TUBB1: variants seen among roughly 807,000 people sequenced by gnomAD.
The protein encoded by TUBB1 is tubulin beta 1 class VI, also known as tubulin beta-1 chain.
A neutral mutation model predicts 22.6 loss-of-function variants in TUBB1; 28 were observed. That is an observed-to-expected ratio of 1.24 (90% CI 0.92 to 1.70). The LOEUF (loss-of-function observed/expected upper bound fraction) is 1.70, where lower values mean the gene tolerates loss of function less well. TUBB1 is among the 40% of genes most tolerant of loss of function. TUBB1 has a pLI of 0.00. For missense variants in TUBB1, 577 were observed against 605.5 expected (o/e 0.95, Z 0.49); for synonymous variants, 226 against 238.0 (o/e 0.95, Z 0.46).
rs1175135469 is a variant in TUBB1, at chr20:59,023,691, C to CT, written c.278-9dup. The CT allele has an allele frequency of 3.1e-6, 5 of 1,614,064 alleles. No homozygotes were observed. Among genetic ancestry groups the CT allele is most frequent in the Non-Finnish European group, 4.2e-6 (5 of 1,180,018 alleles). ...CACCTTTCTTCCCCTGCTGGTTTCT[C>CT]TTTTTGGCCACAGGTAACTCTGGGG... On this transcript the variant is annotated splice_polypyrimidine_tract_variant and intron_variant, in intron 3 of 3. Transcript: ENST00000217133.
rs1601239520 is a variant in TUBB1 at position 59,024,435 on chromosome 20, G to A, written c.1008G>A (p.Arg336=). The A allele has an allele frequency of 6.2e-7, 1 of 1,614,234 alleles. No individual in the cohort carries two copies. The highest frequency in any genetic ancestry group is 8.5e-7 in the Non-Finnish European group (1 of 1,180,050). Residue 336 remains arginine, a synonymous_variant, in exon 4 of 4, where the codon AGG becomes AGA. Transcript: ENST00000217133. The surrounding 1 kb of genome is among the most constrained non-coding windows in gnomAD (Gnocchi z 4.9). Reference sequence around the variant, plus strand: ...AGCAACTGCTCTCCGTGCAGACCAGGAACAGCAGCTGCTTTGTGGAGTGGA... The same window carrying A: ...AGCAACTGCTCTCCGTGCAGACCAGAAACAGCAGCTGCTTTGTGGAGTGGA... ...VDQQLLSVQT[R]NSSCFVEWIP... is the part of the protein sequence containing the mutation.
chr20:59,023,317 ATTG>A (rs2091976945), intron 2 of TUBB1, among the ~76,000 whole-genome samples, 170 bp from the exon 3 acceptor site: 1 of 152,204 alleles, frequency 6.6e-6, no homozygotes, highest in South Asian at 2.1e-4. Context: ...GATTTGTGGG[ATTG>A]TTGTTGGGGT....
intron 1 of TUBB1, 49 bp from the exon 2 acceptor site, chr20:59,022,796 C>A (rs765548173): frequency 6.4e-7 from 1 of 1,562,094 alleles, no homozygotes; most frequent in South Asian, 1.1e-5. Flanking sequence ...CTGTGGTTAA[C>A]ACAGCCTTTT....
Position 59,023,944 on chromosome 20 carries a change from C to T in TUBB1, c.517C>T (p.Pro173Ser). 6.2e-7 allele frequency: 1 copy of T among 1,614,222 alleles called. No homozygotes were observed. Among genetic ancestry groups the T allele is most frequent in the Admixed American group, 1.7e-5 (1 of 60,028 alleles). Reference sequence around the variant, plus strand: ...GAATTCCTTCAGCGTCATGCCTTCTCCCAAGGTGTCGGACACTGTGGTGGA... The same window carrying T: ...GAATTCCTTCAGCGTCATGCCTTCTTCCAAGGTGTCGGACACTGTGGTGGA... Reference protein sequence around the residue: ...IMNSFSVMPSPKVSDTVVEPY... With the variant: ...IMNSFSVMPSSKVSDTVVEPY... The change falls in exon 4 of 4, where the codon CCC (proline) becomes TCC (serine). Residue 173 changes from proline (P) to serine (S), a missense_variant. Physicochemically the swap from Pro to Ser is moderately conservative, Grantham distance 74 (BLOSUM62 -1). Transcript: ENST00000217133.
Position 59,023,862 on chromosome 20 carries a change from C to T in TUBB1, c.435C>T (p.Ser145=), listed in dbSNP as rs769442145. The T allele has an allele frequency of 5.9e-5, 96 of 1,613,956 alleles. 2 individuals are homozygous for T. The Admixed American group carries it at 1.3e-3, about 21-fold the overall frequency. ...ACTCCCTGGGCGGGGGCACAGGCTCCGGGATGGGCACTCTGCTCATGAACA... is the reference window on the plus strand; with the variant it reads ...ACTCCCTGGGCGGGGGCACAGGCTCTGGGATGGGCACTCTGCTCATGAACA... ...IVHSLGGGTG[S]GMGTLLMNKI... Residue 145 remains serine, a synonymous_variant, in exon 4 of 4, where the codon TCC becomes TCT. Coordinates refer to ENST00000217133, the MANE Select transcript of TUBB1 (RefSeq NM_030773.4).
In TUBB1 at chr20:59,024,404, T is replaced by C; in HGVS notation, c.977T>C (p.Val326Ala). Residue 326 changes from valine (V) to alanine (A), a missense_variant, in exon 4 of 4, where the codon GTG becomes GCG. Val to Ala is a moderately conservative substitution (Grantham distance 64). Transcript: ENST00000217133. This position sits in a 1 kb window ranked among gnomAD's most constrained non-coding sequence, Gnocchi z 4.9. The part of the protein sequence containing the change: ...IFRGKMSTKE[V>A]DQQLLSVQTR... Reference sequence around the variant, plus strand: ...CGGGGCAAGATGTCCACCAAGGAAGTGGACCAGCAACTGCTCTCCGTGCAG... The same window carrying C: ...CGGGGCAAGATGTCCACCAAGGAAGCGGACCAGCAACTGCTCTCCGTGCAG... 3 of 1,614,152 alleles carry C rather than the reference T, an allele frequency of 1.9e-6. No individual in the cohort carries two copies. The highest frequency in any genetic ancestry group is 2.5e-6 in the Non-Finnish European group (3 of 1,180,026).
In TUBB1 at chr20:59,024,112, G is replaced by C. The variant is rs1295778047; in HGVS notation, c.685G>C (p.Val229Leu). ...CACCTATGGGGATCTCAACCACCTA[G>C]TGTCCTTGACCATGAGCGGCATAAC... Reference protein sequence around the residue: ...TPTYGDLNHLVSLTMSGITTS... With the variant: ...TPTYGDLNHLLSLTMSGITTS... The change falls in exon 4 of 4, where the codon GTG (valine) becomes CTG (leucine). Residue 229 changes from valine to leucine, a missense_variant. Coordinates refer to ENST00000217133, the MANE Select transcript of TUBB1 (RefSeq NM_030773.4). The surrounding 1 kb of genome is among the most constrained non-coding windows in gnomAD (Gnocchi z 4.9). 3 of 1,614,098 alleles carry C rather than the reference G, an allele frequency of 1.9e-6. No homozygotes were observed. The highest frequency in any genetic ancestry group is 8.5e-7 in the Non-Finnish European group (1 of 1,180,046).
intron 1 of TUBB1, among the ~76,000 whole-genome samples, chr20:59,021,553 T>C (rs576099643): frequency 6.6e-6 from 1 of 152,326 alleles, no homozygotes; most frequent in African/African-American, 2.4e-5. Flanking sequence ...AAAGGAGTCT[T>C]CCCAGTAACT....
At chr20:59,020,622 G>A (rs2091963014) in intron 1 of TUBB1, among the ~76,000 whole-genome samples, 1 of 151,582 alleles carries the variant, frequency 6.6e-6, no homozygotes, top group South Asian at 2.1e-4. Context: ...TTATTGTAAC[G>A]CTTAAAAAAA....
chr20:59,016,958 T>C (rs1052830179), upstream of TUBB1, among the ~76,000 whole-genome samples: 1 of 152,220 alleles, frequency 6.6e-6, no homozygotes, highest in Middle Eastern at 3.4e-3. Flanking sequence ...CTTAGAGAAA[T>C]GTTACAAGGG....
chr20:59,024,003 G>A lies in TUBB1; in HGVS notation c.576G>A (p.Leu192=). ...PYNAVLSIHQ[L]IENADACFCI... is the part of the protein sequence containing the mutation. ...ACGCGGTTCTGTCTATCCACCAGCT[G>A]ATTGAGAATGCAGATGCCTGTTTCT... Residue 192 remains leucine (L), a synonymous_variant, in exon 4 of 4, where the codon CTG becomes CTA. Transcript: ENST00000217133. The surrounding 1 kb of genome is among the most constrained non-coding windows in gnomAD (Gnocchi z 4.9). 6.2e-7 allele frequency: 1 copy of A among 1,614,196 alleles called. No individual in the cohort carries two copies. The highest frequency in any genetic ancestry group is 1.3e-5 in the African/African-American group (1 of 75,038).
Position 59,026,613 on chromosome 20 carries a change from G to C in TUBB1, c.*1830G>C, listed in dbSNP as rs1361667941. On this transcript the variant is annotated 3_prime_UTR_variant, in exon 4 of 4. Transcript: ENST00000217133. ...TAATTCAATTTTAAATGGCAAAATT[G>C]CTTTATTTCAGACTAAATAAATTCC... The C allele has an allele frequency of 6.6e-6, 1 of 152,138 alleles. No individual in the cohort carries two copies. The highest frequency in any genetic ancestry group is 1.5e-5 in the Non-Finnish European group (1 of 68,022). The allele number at this position is 152,138 out of a possible 1,614,324, so 9.4% of individuals were successfully genotyped here.
In TUBB1 at chr20:59,025,463, A is replaced by G. The variant is rs559362098; in HGVS notation, c.*680A>G. ...AACAAGAAAAACAAAAAGACAAGCA[A>G]AACTAAAGAACTGCAGTCTTCTGAT... On this transcript the variant is annotated 3_prime_UTR_variant, in exon 4 of 4. Transcript: ENST00000217133. 10 of 153,126 alleles carry G rather than the reference A, an allele frequency of 6.5e-5. No individual in the cohort carries two copies. The highest frequency in any genetic ancestry group is 1.5e-4 in the Non-Finnish European group (10 of 68,676). 9.5% of individuals were successfully genotyped at this position (153,126 alleles called of 1,614,324 possible).
chr20:59,019,404 G>T, upstream of TUBB1: 2 of 1,189,690 alleles, frequency 1.7e-6, no homozygotes, highest in Non-Finnish European at 2.5e-6. Flanking sequence ...TAGCTTGGTT[G>T]GCCAGTCCCA....
chr20:59,018,866 A>G (rs991062371), upstream of TUBB1, among the ~76,000 whole-genome samples: 2 of 152,228 alleles, frequency 1.3e-5, no homozygotes, highest in Non-Finnish European at 2.9e-5. Context: ...CAGCCCTGGC[A>G]TGGATAGGGC....
At position 59,021,308 on chromosome 20, in the gene TUBB1, A is replaced by G. The variant is rs188408165; in HGVS notation, c.58-1537A>G. Among the ~76,000 whole-genome samples the G allele has an allele frequency of 9.5e-4, 144 of 152,354 alleles. 1 individual carries two copies. Among genetic ancestry groups the G allele is most frequent in the African/African-American group, 2.9e-3 (121 of 41,594 alleles). ...CCTGGCTGACTCATCATTTAGAGAT[A>G]TAAGAACTTTAAGACACATTTAATT... On this transcript the variant is annotated intron_variant, in intron 1 of 3. Transcript: ENST00000217133.
chr20:59,021,559 T>G (rs2091967164), intron 1 of TUBB1, among the ~76,000 whole-genome samples: 1 of 152,226 alleles, frequency 6.6e-6, no homozygotes, highest in Non-Finnish European at 1.5e-5. Flanking sequence ...GTCTTCCCAG[T>G]AACTGTTTCC....
At position 59,024,838 on chromosome 20, in the gene TUBB1, AGT is replaced by A. The variant is rs1406292670; in HGVS notation, c.*58_*59del. ...TTACAGAACAGTTTCTCATTAGATG[AGT>A]GTTTCTCCTGCAGCACTCCAAAACC... On this transcript the variant is annotated 3_prime_UTR_variant, in exon 4 of 4. Coordinates refer to ENST00000217133, the MANE Select transcript of TUBB1 (RefSeq NM_030773.4). The surrounding 1 kb of genome is among the most constrained non-coding windows in gnomAD (Gnocchi z 4.9). 1.5e-5 allele frequency: 23 copies of A among 1,543,452 alleles called. No individual in the cohort carries two copies. The highest frequency in any genetic ancestry group is 2.1e-5 in the Non-Finnish European group (23 of 1,117,546).
chr20:59,019,548 T>C lies in TUBB1; in HGVS notation c.26T>C (p.Ile9Thr), dbSNP rs774375965. Residue 9 changes from isoleucine to threonine, a missense_variant, in exon 1 of 4, where the codon ATT becomes ACT. By Grantham distance (89) the Ile-to-Thr change is moderately conservative (BLOSUM62 -1). Coordinates refer to ENST00000217133, the MANE Select transcript of TUBB1 (RefSeq NM_030773.4). MREIVHIQ[I>T]GQCGNQIGAK... The stretch of plus-strand genomic sequence containing the variant: ...ATGCGTGAAATTGTCCATATTCAGA[T>C]TGGCCAGTGTGGCAACCAGATCGGA... 3.7e-6 allele frequency: 6 copies of C among 1,614,206 alleles called. No homozygotes were observed. The highest frequency in any genetic ancestry group is 5.1e-6 in the Non-Finnish European group (6 of 1,180,034).
Sources: gnomAD v4.1 joint callset for allele counts (sites outside exome capture counted in the v4.1 genomes callset) on GRCh38, gnomAD v4.1.1 for gene constraint, Gnocchi (gnomAD v3.1) non-coding constraint, MANE v1.5 for transcripts, NCBI Gene and HGNC (gene_info 2026-07-23, HGNC 2026-07-21) for gene names.